FRMD5: variants seen among roughly 807,000 people sequenced by gnomAD.
FRMD5 encodes the protein FERM domain containing 5, also known as FERM domain-containing protein 5.
Under a neutral mutation model 69.0 loss-of-function variants are expected in FRMD5, and 20 were observed. That is an observed-to-expected ratio of 0.29 (90% confidence interval 0.20 to 0.42). FRMD5 has a LOEUF of 0.42. FRMD5 is among the 10% of genes least tolerant of loss of function. The pLI is 1.00. For missense variants in FRMD5, 595 were observed against 708.6 expected (o/e 0.84, Z 1.82); for synonymous variants, 271 against 260.1 (o/e 1.04, Z -0.40).
At chr15:43,890,016 T>G (rs1295153648) in intron 8 of FRMD5, among the ~76,000 whole-genome samples, 1 of 152,168 alleles carries the variant, frequency 6.6e-6, no homozygotes, top group African/African-American at 2.4e-5. Context: ...TTCTCCATGC[T>G]CCTGAAAATC....
At chr15:44,073,035 G>A (rs1314863678) in intron 1 of FRMD5, among the ~76,000 whole-genome samples, 1 of 152,156 alleles carries the variant, frequency 6.6e-6, no homozygotes, top group Non-Finnish European at 1.5e-5. Context: ...TTGGGAGGCT[G>A]AGGCAGGAGG....
Position 43,873,173 on chromosome 15 carries a change from C to T in FRMD5, c.*712G>A, listed in dbSNP as rs984617347. 6.5e-7 allele frequency: 1 copy of T among 1,550,350 alleles called. No homozygotes were observed. The highest frequency in any genetic ancestry group is 2.0e-5 in the Admixed American group (1 of 50,988). ...CTAGACTAAGGGGACAGACTTACCCCACCCCTGATGCTGCTGTTGCTGTAG... is the reference window on the plus strand; with the variant it reads ...CTAGACTAAGGGGACAGACTTACCCTACCCCTGATGCTGCTGTTGCTGTAG... On this transcript the variant is annotated 3_prime_UTR_variant, in exon 14 of 14. Transcript: ENST00000417257.
In FRMD5 at chr15:43,870,961, C is replaced by T. The variant is rs1270654896; in HGVS notation, c.*2924G>A. 1 of 152,004 alleles carries T rather than the reference C, an allele frequency of 6.6e-6. No individual in the cohort carries two copies. The highest frequency in any genetic ancestry group is 2.4e-5 in the African/African-American group (1 of 41,396). 9.4% of individuals were successfully genotyped at this position (152,004 alleles called of 1,614,324 possible). A position where few individuals can be genotyped will look rare whatever the true frequency, so the allele number is the denominator to read the frequency against. ...AAATTCACATTTGCAGGTAGTTTAC[C>T]CTCTACTGCTTAAAGATGCAGTATG... On this transcript the variant is annotated 3_prime_UTR_variant, in exon 14 of 14. Transcript: ENST00000417257.
chr15:44,167,818 T>C (rs911900645), intron 1 of FRMD5, among the ~76,000 whole-genome samples: 1 of 152,194 alleles, frequency 6.6e-6, no homozygotes, highest in Non-Finnish European at 1.5e-5. Flanking sequence ...CTCGAACTCC[T>C]GACCTTAGGT....
chr15:43,982,287 C>T (rs2090560511), intron 1 of FRMD5, among the ~76,000 whole-genome samples: 1 of 152,212 alleles, frequency 6.6e-6, no homozygotes, highest in South Asian at 2.1e-4. Context: ...GGGGCATTGT[C>T]TGATATCAGA....
intron 1 of FRMD5, among the ~76,000 whole-genome samples, chr15:44,183,253 G>C (rs547463802): frequency 6.6e-6 from 1 of 152,196 alleles, no homozygotes; most frequent in East Asian, 1.9e-4. Flanking sequence ...GCTGGAAAGG[G>C]GGGTAGCAGA....
rs562004371 is a variant in FRMD5 at position 43,886,174 on chromosome 15, G to A, written c.885-419C>T. On this transcript the variant is annotated intron_variant, in intron 10 of 13. Coordinates refer to ENST00000417257, the MANE Select transcript of FRMD5 (RefSeq NM_032892.5). Reference sequence around the variant, plus strand: ...CTCACCCTTTTTATAAAATGATAGAGCTGGGACTACTGGACCTTAGGGGTC... The same window carrying A: ...CTCACCCTTTTTATAAAATGATAGAACTGGGACTACTGGACCTTAGGGGTC... Among the ~76,000 whole-genome samples the A allele has an allele frequency of 8.7e-4, 133 of 152,264 alleles. 1 individual carries two copies. Among genetic ancestry groups the A allele is most frequent in the African/African-American group, 3.1e-3 (129 of 41,530 alleles).
At chr15:44,128,295 C>CA (rs1397600057) in intron 1 of FRMD5, among the ~76,000 whole-genome samples, 1 of 152,166 alleles carries the variant, frequency 6.6e-6, no homozygotes, top group Non-Finnish European at 1.5e-5. Flanking sequence ...GCCTGGCCAA[C>CA]ATGGCGAAAC....
chr15:44,096,163 G>A (rs764315525), intron 1 of FRMD5, among the ~76,000 whole-genome samples: 33 of 126,424 alleles, frequency 2.6e-4, no homozygotes, highest in Admixed American at 6.1e-4. Context: ...CCAATATCAC[G>A]CCATTGCACT....
At chr15:43,904,003 G>A (rs1409851950) in intron 6 of FRMD5, among the ~76,000 whole-genome samples, 1 of 152,146 alleles carries the variant, frequency 6.6e-6, no homozygotes, top group Non-Finnish European at 1.5e-5. Context: ...AGGAGCCATG[G>A]GGTCCTGCAC....
chr15:43,876,416 C>G (rs2088358672), intron 13 of FRMD5, among the ~76,000 whole-genome samples: 1 of 152,148 alleles, frequency 6.6e-6, no homozygotes, highest in South Asian at 2.1e-4. Flanking sequence ...CACGATGGCT[C>G]CCATCTGTAA....
At chr15:44,150,663 A>G (rs538560704) in intron 1 of FRMD5, among the ~76,000 whole-genome samples, 1 of 150,426 alleles carries the variant, frequency 6.6e-6, no homozygotes, top group East Asian at 1.9e-4. Context: ...AAGTGGTGCT[A>G]TATGCCTGTG....
chr15:43,922,532 C>T (rs2089511809), intron 2 of FRMD5, among the ~76,000 whole-genome samples: 1 of 152,186 alleles, frequency 6.6e-6, no homozygotes, highest in Non-Finnish European at 1.5e-5. Context: ...ACCTTCACCA[C>T]ATCCACATAT....
chr15:44,122,924 A>G (rs867506295), intron 1 of FRMD5, among the ~76,000 whole-genome samples: 4 of 152,042 alleles, frequency 2.6e-5, no homozygotes, highest in Non-Finnish European at 5.9e-5. Flanking sequence ...AAAACCTCTA[A>G]TTTAATAAGT....
intron 1 of FRMD5, among the ~76,000 whole-genome samples, chr15:44,125,952 T>C (rs527626536): frequency 4.6e-5 from 7 of 152,220 alleles, no homozygotes; most frequent in Admixed American, 3.9e-4. Flanking sequence ...AAAAAGCTTT[T>C]GAAAATGTAA....
chr15:43,957,147 G>A (rs1430522851), intron 1 of FRMD5, among the ~76,000 whole-genome samples: 2 of 152,080 alleles, frequency 1.3e-5, no homozygotes, highest in Non-Finnish European at 2.9e-5. Flanking sequence ...TGTGAGAACT[G>A]AGTGAGGTCA....
chr15:44,066,470 T>C (rs1595687849), intron 1 of FRMD5, among the ~76,000 whole-genome samples: 1 of 152,178 alleles, frequency 6.6e-6, no homozygotes, highest in Non-Finnish European at 1.5e-5. Context: ...ATTTAAATTT[T>C]ACACAGAATT....
intron 1 of FRMD5, among the ~76,000 whole-genome samples, chr15:44,081,201 C>A (rs1266618634): frequency 6.6e-6 from 1 of 152,080 alleles, no homozygotes; most frequent in East Asian, 1.9e-4. Flanking sequence ...AAAAAAAATT[C>A]ATTACACTCC....
At chr15:44,050,529 T>G (rs1253314448) in intron 1 of FRMD5, among the ~76,000 whole-genome samples, 7 of 5,880 alleles carry the variant, frequency 1.2e-3, no homozygotes, top group Non-Finnish European at 8.6e-3. Context: ...CCTGGCTCCC[T>G]TTTTTTTTTT....
Sources: allele counts gnomAD v4.1 joint callset (sites outside exome capture counted in the v4.1 genomes callset), GRCh38; gene constraint gnomAD v4.1.1; transcripts MANE v1.5; gene names NCBI Gene and HGNC (gene_info 2026-07-23, HGNC 2026-07-21).